The following ACSBG1 variants were observed in gnomAD, a reference collection of about 807,000 sequenced individuals.
ACSBG1 encodes acyl-CoA synthetase bubblegum family member 1, also known as long-chain-fatty-acid--CoA ligase ACSBG1.
A neutral mutation model predicts 80.2 loss-of-function variants in ACSBG1; 39 were observed. The observed-to-expected ratio is 0.49, with a 90% CI of 0.38 to 0.64. The LOEUF (loss-of-function observed/expected upper bound fraction) is 0.64, where lower values mean the gene tolerates loss of function less well. Ranked by LOEUF, ACSBG1 falls within the 30% of genes least tolerant of loss-of-function variation. The pLI is 0.00. For missense variants in ACSBG1, 828 were observed against 966.4 expected, an observed-to-expected ratio of 0.86 and a Z score of 1.90; for synonymous variants, 392 against 379.5, an observed-to-expected ratio of 1.03 and a Z score of -0.38.
At position 78,178,772 on chromosome 15, in the gene ACSBG1, A is replaced by G; in HGVS notation, c.1544T>C (p.Ile515Thr). ...GCGGCCCCACAGGCAGATCTCGCCA[A>G]TGCCCTCTGCGTCCTGGTTCACCAG... The part of the protein sequence containing the change: ...VKLVNQDAEG[I>T]GEICLWGRTI... Residue 515 changes from isoleucine to threonine, a missense_variant, in exon 11 of 14, where the codon ATT becomes ACT. This residue lies in a region of ACSBG1 where 271 missense variants were observed against 375.9 expected (regional missense o/e 0.72). Transcript: ENST00000258873. The surrounding 1 kb of genome is among the most constrained non-coding windows in gnomAD (Gnocchi z 4.3). 6.2e-7 allele frequency: 1 copy of G among 1,614,044 alleles called. No individual in the cohort carries two copies. Among genetic ancestry groups the G allele is most frequent in the Non-Finnish European group, 8.5e-7 (1 of 1,180,024 alleles).
chr15:78,199,034 T>C (rs1287714954), intron 2 of ACSBG1, among the ~76,000 whole-genome samples: 2 of 152,196 alleles, frequency 1.3e-5, no homozygotes, highest in South Asian at 2.1e-4. Flanking sequence ...CACATGGCCC[T>C]TGGAGTCCAC....
chr15:78,173,943 G>A (rs2074855678), intron 12 of ACSBG1, 104 bp from the exon 13 acceptor site: 1 of 1,382,162 alleles, frequency 7.2e-7, no homozygotes, highest in Non-Finnish European at 9.7e-7. Context: ...TGAATCATGT[G>A]AGCTCTGTTT....
At chr15:78,220,436 G>A (rs1317249087) in intron 1 of ACSBG1, among the ~76,000 whole-genome samples, 1 of 151,956 alleles carries the variant, frequency 6.6e-6, no homozygotes, top group Admixed American at 6.5e-5. Context: ...TTTAGATAAG[G>A]TTAAAAAGCG....
chr15:78,217,980 A>G (rs2075326557), intron 1 of ACSBG1, among the ~76,000 whole-genome samples: 1 of 152,216 alleles, frequency 6.6e-6, no homozygotes, highest in South Asian at 2.1e-4. Context: ...TGGTTACCAC[A>G]GGAAGGGCAG....
intron 1 of ACSBG1, among the ~76,000 whole-genome samples, chr15:78,219,709 G>C (rs190981895): frequency 6.6e-6 from 1 of 152,168 alleles, no homozygotes; most frequent in Non-Finnish European, 1.5e-5. Flanking sequence ...ACCTGGCCGG[G>C]CGCGGTGGCT....
rs575796292 is a variant in ACSBG1 at position 78,200,006 on chromosome 15, C to T, written c.233-5280G>A. ...GTATCCAGCCTCCAGCCCTCCTTCT[C>T]GGTTTAGATTATTAGAAGGAGGTTT... On this transcript the variant is annotated intron_variant, in intron 2 of 13. Transcript: ENST00000258873. Among the ~76,000 whole-genome samples the T allele has an allele frequency of 6.6e-5, 10 of 152,210 alleles. No homozygotes were observed. The South Asian group carries it at 1.2e-3, about 19-fold the overall frequency.
Position 78,182,751 on chromosome 15 carries a change from A to G in ACSBG1, c.698T>C (p.Val233Ala). The part of the protein sequence containing the change: ...WKQLPHLKAV[V>A]IYKEPPPNKM... ...GTTTGGAGGAGGTTCTTTATATATC[A>G]CGACTGCCTTTAGATGTGGCAACTG... Residue 233 changes from valine to alanine, a missense_variant, in exon 6 of 14, where the codon GTG becomes GCG. Val to Ala is a moderately conservative substitution (Grantham distance 64). Transcript: ENST00000258873. 6.2e-7 allele frequency: 1 copy of G among 1,614,172 alleles called. No individual in the cohort carries two copies. The highest frequency in any genetic ancestry group is 8.5e-7 in the Non-Finnish European group (1 of 1,180,012).
chr15:78,210,546 TTG>T (rs1307619912), intron 1 of ACSBG1, among the ~76,000 whole-genome samples: 3 of 152,230 alleles, frequency 2.0e-5, no homozygotes, highest in Non-Finnish European at 4.4e-5. Flanking sequence ...CCTCTCCTCA[TTG>T]TGAGTGCTGT....
In ACSBG1 at chr15:78,167,576, C is replaced by T. The variant is rs2074760924; in HGVS notation, c.*3868G>A. On this transcript the variant is annotated 3_prime_UTR_variant, in exon 14 of 14. Transcript: ENST00000258873. ...AGTTCAATAATGTTAAGTACATTCA[C>T]ATTGTAATGTAACCATCACCATCAG... The T allele has an allele frequency of 6.6e-6, 1 of 152,226 alleles. No individual in the cohort carries two copies. Among genetic ancestry groups the T allele is most frequent in the Non-Finnish European group, 1.5e-5 (1 of 68,046 alleles). 9.4% of individuals were successfully genotyped at this position (152,226 alleles called of 1,614,324 possible). A position where few individuals can be genotyped will look rare whatever the true frequency, so the allele number is the denominator to read the frequency against.
intron 5 of ACSBG1, among the ~76,000 whole-genome samples, chr15:78,184,014 TGAA>T (rs1268665377): frequency 6.6e-6 from 1 of 151,956 alleles, no homozygotes; most frequent in Non-Finnish European, 1.5e-5. Flanking sequence ...AAGAAAGAAA[TGAA>T]TTAGACTACA....
At chr15:78,211,503 C>G (rs1348928843) in intron 1 of ACSBG1, among the ~76,000 whole-genome samples, 1 of 152,242 alleles carries the variant, frequency 6.6e-6, no homozygotes, top group Admixed American at 6.5e-5. Flanking sequence ...AGGACGAGAA[C>G]AAGGATTCAT....
rs747882724 is a variant in ACSBG1 at position 78,178,696 on chromosome 15, G to A, written c.1620C>T (p.Ile540=). The A allele has an allele frequency of 6.2e-6, 10 of 1,613,998 alleles. No individual in the cohort carries two copies. The highest frequency in any genetic ancestry group is 1.7e-5 in the Admixed American group (1 of 60,000). The change falls in exon 11 of 14, where the codon ATC becomes ATT. Residue 540 remains isoleucine, a synonymous_variant. Transcript: ENST00000258873. This position sits in a 1 kb window ranked among gnomAD's most constrained non-coding sequence, Gnocchi z 4.3. ...CCGTGTGCAGCCAGCCTTCCTCGTCGATGGCCTCACAAGTCTTGTCCTCCA... is the reference window on the plus strand; with the variant it reads ...CCGTGTGCAGCCAGCCTTCCTCGTCAATGGCCTCACAAGTCTTGTCCTCCA... ...LNMEDKTCEA[I]DEEGWLHTGD...
intron 1 of ACSBG1, among the ~76,000 whole-genome samples, chr15:78,228,934 T>A (rs572889259): frequency 1.3e-5 from 2 of 152,312 alleles, no homozygotes; most frequent in South Asian, 4.1e-4. Context: ...CAAGACCAAG[T>A]CAGATCTTCG....
intron 1 of ACSBG1, among the ~76,000 whole-genome samples, chr15:78,215,123 A>G (rs2075296905): frequency 6.6e-6 from 1 of 151,784 alleles, no homozygotes; most frequent in Admixed American, 6.6e-5. Context: ...ATGCTATATT[A>G]ACGACCCCAA....
intron 1 of ACSBG1, among the ~76,000 whole-genome samples, chr15:78,232,291 G>A (rs1402779869): frequency 2.6e-5 from 4 of 152,164 alleles, no homozygotes; most frequent in Non-Finnish European, 5.9e-5. Flanking sequence ...CACTCAGCAA[G>A]AAAGTAGTAG....
chr15:78,193,758 G>A, intron 4 of ACSBG1, 132 bp from the exon 5 acceptor site: 1 of 1,444,604 alleles, frequency 6.9e-7, no homozygotes, highest in Non-Finnish European at 9.3e-7. Flanking sequence ...CAAGGCACCT[G>A]AGCACCTCCT....
intron 1 of ACSBG1, among the ~76,000 whole-genome samples, chr15:78,230,638 G>A (rs1321802556): frequency 6.6e-6 from 1 of 152,156 alleles, no homozygotes; most frequent in East Asian, 1.9e-4. Context: ...TGCATCATGG[G>A]GGCAGGTCCT....
At chr15:78,194,861 G>T in intron 2 of ACSBG1, 135 bp from the exon 3 acceptor site, 2 of 739,716 alleles carry the variant, frequency 2.7e-6, no homozygotes, top group Non-Finnish European at 4.3e-6. Flanking sequence ...GGCCAGGGTA[G>T]ACTGGGGTAG....
At chr15:78,217,505 G>C (rs2075321759) in intron 1 of ACSBG1, among the ~76,000 whole-genome samples, 1 of 152,108 alleles carries the variant, frequency 6.6e-6, no homozygotes, top group Non-Finnish European at 1.5e-5. Flanking sequence ...CAGAGAGTGA[G>C]GCACTTCAGG....
Sources: allele counts gnomAD v4.1 joint callset (sites outside exome capture counted in the v4.1 genomes callset), GRCh38; gene constraint gnomAD v4.1.1; regional missense constraint gnomAD v4.1.1; non-coding constraint Gnocchi (gnomAD v3.1); transcripts MANE v1.5; gene names NCBI Gene and HGNC (gene_info 2026-07-23, HGNC 2026-07-21).